ADGRV1: variants seen among roughly 807,000 people sequenced by gnomAD.
ADGRV1 encodes adhesion G protein-coupled receptor V1.
ADGRV1 carries 359 observed loss-of-function variants against 596.2 expected under a neutral mutation model. That is an observed-to-expected ratio of 0.60 (90% confidence interval 0.55 to 0.66). ADGRV1 has a LOEUF of 0.66. Among genes scored for constraint, ADGRV1 ranks in the 30% least tolerant of loss-of-function variants. The pLI is 0.00. For missense variants in ADGRV1, 7,274 were observed against 7,575.6 expected, an observed-to-expected ratio of 0.96 and a Z score of 1.48; for synonymous variants, 2,681 against 2,679.2, an observed-to-expected ratio of 1.00 and a Z score of -0.02.
chr5:91,079,453 G>T (rs1789145941), intron 86 of ADGRV1, among the ~76,000 whole-genome samples: 1 of 152,184 alleles, frequency 6.6e-6, no homozygotes, highest in Non-Finnish European at 1.5e-5. Flanking sequence ...GGAAGATGAT[G>T]TGTAGTCATT....
intron 34 of ADGRV1, among the ~76,000 whole-genome samples, chr5:90,697,495 A>G (rs1304174935): frequency 1.4e-5 from 2 of 147,654 alleles, no homozygotes; most frequent in African/African-American, 2.7e-5. Flanking sequence ...AGTGCTTAGC[A>G]TAGTTCCTGG....
intron 87 of ADGRV1, among the ~76,000 whole-genome samples, chr5:91,138,828 G>A (rs2126833258): frequency 6.7e-6 from 1 of 149,914 alleles, no homozygotes; most frequent in East Asian, 2.0e-4. Flanking sequence ...CTGGAATGCA[G>A]TGGCACCATC....
At chr5:90,596,066 TCTC>T in intron 1 of ADGRV1, among the ~76,000 whole-genome samples, 1 of 142,544 alleles carries the variant, frequency 7.0e-6, no homozygotes, top group Middle Eastern at 4.2e-3. Context: ...TCTCCTCACT[TCTC>T]AGACGGGGCG....
chr5:90,663,183 T>C (rs1287040447), intron 21 of ADGRV1, among the ~76,000 whole-genome samples: 5 of 147,266 alleles, frequency 3.4e-5, no homozygotes, highest in Admixed American at 6.9e-5. Flanking sequence ...TGAGGAATCA[T>C]CACACTGACT....
intron 29 of ADGRV1, among the ~76,000 whole-genome samples, chr5:90,688,324 G>C (rs1177614885): frequency 6.6e-6 from 1 of 152,108 alleles, no homozygotes; most frequent in Non-Finnish European, 1.5e-5. Flanking sequence ...AATGGTGCTG[G>C]GAAAACTGGC....
rs70973719 is a variant in ADGRV1 at position 90,976,322 on chromosome 5, GTATATATA to G, written c.17974-9002_17974-8995del. ...TATGTGTGTGTGTGTGTGTGTGTGT[GTATATATA>G]TATATATATATATATATATGTATAT... On this transcript the variant is annotated intron_variant, in intron 84 of 89. Transcript: ENST00000405460. 5.9e-4 allele frequency among the ~76,000 whole-genome samples: 64 copies of G among 108,616 alleles called. 1 individual carries two copies. The highest frequency in any genetic ancestry group is 1.5e-3 in the African/African-American group (41 of 26,498). The allele number at this position is 108,616 out of a possible 152,430, so 71.3% of individuals were successfully genotyped here. A position where few individuals can be genotyped will look rare whatever the true frequency, so the allele number is the denominator to read the frequency against.
At chr5:90,583,102 T>G (rs1192520355) in intron 1 of ADGRV1, among the ~76,000 whole-genome samples, 1 of 152,216 alleles carries the variant, frequency 6.6e-6, no homozygotes, top group Non-Finnish European at 1.5e-5. Context: ...GTGGCAGTTT[T>G]ATATAGTATT....
chr5:90,862,195 G>C (rs570670159), intron 82 of ADGRV1, among the ~76,000 whole-genome samples: 1 of 152,286 alleles, frequency 6.6e-6, no homozygotes, highest in African/African-American at 2.4e-5. Flanking sequence ...TTGTGCACTA[G>C]AAAAAAGTTG....
intron 21 of ADGRV1, among the ~76,000 whole-genome samples, chr5:90,665,526 A>G (rs993777006): frequency 6.6e-6 from 1 of 151,512 alleles, no homozygotes; most frequent in Non-Finnish European, 1.5e-5. Context: ...TAGTCTTGCT[A>G]GCGGTCTATT....
intron 83 of ADGRV1, among the ~76,000 whole-genome samples, chr5:90,932,161 A>G (rs1218738806): frequency 6.6e-6 from 1 of 152,192 alleles, no homozygotes; most frequent in African/African-American, 2.4e-5. Flanking sequence ...AGGAAGTGGT[A>G]ACTTGCCAGG....
Position 90,928,653 on chromosome 5 carries a change from A to G in ADGRV1, c.17857-36762A>G, listed in dbSNP as rs926186297. On this transcript the variant is annotated intron_variant, in intron 83 of 89. Transcript: ENST00000405460. ...AGCTCGTGAAAGTCATTCTCCATCCAGCTTTGTTCCGTTGCTGGTGAGGAA... is the reference window on the plus strand; with the variant it reads ...AGCTCGTGAAAGTCATTCTCCATCCGGCTTTGTTCCGTTGCTGGTGAGGAA... Among the ~76,000 whole-genome samples the G allele has an allele frequency of 9.3e-5, 14 of 150,610 alleles. No individual in the cohort carries two copies. In the South Asian group the frequency reaches 1.5e-3, roughly 16 times the overall value.
intron 89 of ADGRV1, among the ~76,000 whole-genome samples, chr5:91,161,631 G>T (rs1422405458): frequency 6.6e-6 from 1 of 151,526 alleles, no homozygotes; most frequent in Admixed American, 6.6e-5. Context: ...CAATATTCTG[G>T]TTCTTGAAGA....
At chr5:90,754,914 C>G (rs1238770125) in intron 54 of ADGRV1, 69 bp from the exon 55 acceptor site, 3 of 1,096,718 alleles carry the variant, frequency 2.7e-6, no homozygotes, top group Non-Finnish European at 1.4e-6. Context: ...GTGTTCCACT[C>G]TAGGTCCTTG....
rs1580496311 is a variant in ADGRV1, at chr5:90,625,337, C to T, written c.672+94C>T. On this transcript the variant is annotated intron_variant, in intron 6 of 89. Coordinates refer to ENST00000405460, the MANE Select transcript of ADGRV1 (RefSeq NM_032119.4). ...TAGTGTATTGTGGCCAGTCGCACCT[C>T]AGCTATAAATAGCTGACTGTTCTGG... The T allele has an allele frequency of 5.7e-6, 4 of 701,056 alleles. No homozygotes were observed. In the East Asian group the frequency reaches 1.1e-4, roughly 19 times the overall value. The allele number at this position is 701,056 out of a possible 1,614,324, so 43.4% of individuals were successfully genotyped here. A position where few individuals can be genotyped will look rare whatever the true frequency, so the allele number is the denominator to read the frequency against.
chr5:91,129,822 GT>G (rs1413698112), intron 87 of ADGRV1, among the ~76,000 whole-genome samples: 5 of 152,160 alleles, frequency 3.3e-5, no homozygotes, highest in Admixed American at 6.5e-5. Flanking sequence ...GGAACCCTGA[GT>G]TTTTAACACT....
intron 1 of ADGRV1, among the ~76,000 whole-genome samples, chr5:90,609,069 A>G (rs1762436136): frequency 1.3e-5 from 2 of 151,652 alleles, no homozygotes; most frequent in South Asian, 4.1e-4. Flanking sequence ...GTTAACTAAC[A>G]TCTTGGAAAG....
chr5:90,596,005 C>G (rs1337979901), intron 1 of ADGRV1, among the ~76,000 whole-genome samples: 1 of 147,898 alleles, frequency 6.8e-6, no homozygotes, highest in Non-Finnish European at 1.5e-5. Context: ...GGGCGGCTGC[C>G]GGGCGGAGAG....
At chr5:91,162,709 C>G (rs1026925752) in intron 89 of ADGRV1, among the ~76,000 whole-genome samples, 3 of 152,280 alleles carry the variant, frequency 2.0e-5, no homozygotes, top group African/African-American at 7.2e-5. Flanking sequence ...AGGTCAGAGA[C>G]CCAGAAGAAG....
At chr5:90,908,178 A>G (rs530894790) in intron 83 of ADGRV1, among the ~76,000 whole-genome samples, 29 of 152,338 alleles carry the variant, frequency 1.9e-4, no homozygotes, top group South Asian at 1.2e-3. Context: ...TAATGTTACG[A>G]TAATCCATAC....
Sources: gnomAD v4.1 joint callset for allele counts (sites outside exome capture counted in the v4.1 genomes callset) on GRCh38, gnomAD v4.1.1 for gene constraint, MANE v1.5 for transcripts, NCBI Gene and HGNC (gene_info 2026-07-23, HGNC 2026-07-21) for gene names.